DOCK1: variants seen among roughly 807,000 people sequenced by gnomAD.
DOCK1 encodes dedicator of cytokinesis protein 1.
A neutral mutation model predicts 262.7 loss-of-function variants in DOCK1; 138 were observed. That is an observed-to-expected ratio of 0.53 (90% CI 0.46 to 0.61). DOCK1 has a LOEUF of 0.61. DOCK1 is among the 20% of genes least tolerant of loss of function. The probability of loss-of-function intolerance (pLI) is 0.00; values close to 1 mark genes in which losing one functional copy is unlikely to be tolerated. For missense variants in DOCK1, 1,908 were observed against 2,370.7 expected (o/e 0.80, Z 4.05); for synonymous variants, 866 against 867.4 (o/e 1.00, Z 0.03).
intron 12 of DOCK1, 185 bp from the exon 13 acceptor site, chr10:127,018,525 G>T: frequency 2.5e-6 from 2 of 795,062 alleles, no homozygotes; most frequent in Non-Finnish European, 3.9e-6. Flanking sequence ...CCAGCTCGTT[G>T]GATGCATGGA....
intron 23 of DOCK1, among the ~76,000 whole-genome samples, chr10:127,098,657 C>A (rs2048053370): frequency 6.6e-6 from 1 of 152,152 alleles, no homozygotes; most frequent in Non-Finnish European, 1.5e-5. Context: ...AGAGCCCTGA[C>A]CTTGTCTACC....
intron 27 of DOCK1, chr10:127,138,120 T>C: frequency 9.6e-7 from 1 of 1,041,160 alleles, no homozygotes; most frequent in Admixed American, 2.6e-5. Context: ...TGTGTGTTTG[T>C]AATGTAATTT....
intron 27 of DOCK1, among the ~76,000 whole-genome samples, chr10:127,178,873 GCACACAAGA>G (rs929950709): frequency 4.6e-5 from 7 of 152,186 alleles, no homozygotes; most frequent in Non-Finnish European, 1.0e-4. Context: ...TTAAACAGAT[GCACACAAGA>G]CAGCTTGGTG....
intron 21 of DOCK1, among the ~76,000 whole-genome samples, chr10:127,044,693 T>A (rs114645034): frequency 0.012 from 1,869 of 152,268 alleles, 28 homozygotes; most frequent in African/African-American, 0.034. Flanking sequence ...TGCTTGAATT[T>A]CAGAAGATGA....
At chr10:127,388,891 C>T (rs543773619) in intron 38 of DOCK1, among the ~76,000 whole-genome samples, 34 of 148,004 alleles carry the variant, frequency 2.3e-4, no homozygotes, top group African/African-American at 8.6e-4. Context: ...ATCAAGGGCA[C>T]CATCCAATCT....
intron 38 of DOCK1, among the ~76,000 whole-genome samples, chr10:127,392,515 C>A (rs755673122): frequency 2.6e-5 from 4 of 152,098 alleles, no homozygotes; most frequent in African/African-American, 7.2e-5. Context: ...TCCCAGACAC[C>A]CCCTGCCCAC....
At chr10:126,956,273 G>A (rs925903069) in intron 1 of DOCK1, among the ~76,000 whole-genome samples, 35 of 152,338 alleles carry the variant, frequency 2.3e-4, no homozygotes, top group Non-Finnish European at 2.9e-4. Flanking sequence ...GCTCTGCCCC[G>A]TTGGGACTTC....
chr10:127,336,914 C>G (rs1222777059), intron 29 of DOCK1, among the ~76,000 whole-genome samples: 1 of 152,136 alleles, frequency 6.6e-6, no homozygotes, highest in East Asian at 1.9e-4. Flanking sequence ...TAATTCGAAG[C>G]AGCATATTGC....
In DOCK1 at chr10:127,175,517, A is replaced by C; in HGVS notation, c.2847+47753A>C. Reference sequence around the variant, plus strand: ...CCGAGGGCGCCTGGAGCCCGTTGAGATGTGTGGCTCTCCTCCGCTCGTCAT... The same window carrying C: ...CCGAGGGCGCCTGGAGCCCGTTGAGCTGTGTGGCTCTCCTCCGCTCGTCAT... On this transcript the variant is annotated intron_variant, in intron 27 of 51. Transcript: ENST00000623213. The surrounding 1 kb of genome is among the most constrained non-coding windows in gnomAD (Gnocchi z 6.3). 4 of 1,609,420 alleles carry C rather than the reference A, an allele frequency of 2.5e-6. No individual in the cohort carries two copies. The highest frequency in any genetic ancestry group is 3.4e-6 in the Non-Finnish European group (4 of 1,179,980).
At chr10:126,948,988 C>G (rs925340221) in intron 1 of DOCK1, among the ~76,000 whole-genome samples, 7 of 152,140 alleles carry the variant, frequency 4.6e-5, no homozygotes, top group Admixed American at 2.0e-4. Flanking sequence ...GGCCCACCCC[C>G]TGGACCCTGT....
At chr10:127,355,417 C>T (rs141213012) in intron 32 of DOCK1, among the ~76,000 whole-genome samples, 1 of 152,170 alleles carries the variant, frequency 6.6e-6, no homozygotes, top group Non-Finnish European at 1.5e-5. Flanking sequence ...CCTCACTCCT[C>T]GTTGAGATGA....
intron 23 of DOCK1, among the ~76,000 whole-genome samples, chr10:127,083,626 AT>A (rs2047035888): frequency 1.3e-5 from 2 of 152,236 alleles, no homozygotes; most frequent in Non-Finnish European, 2.9e-5. Context: ...CCATTTACTC[AT>A]ATAAAAGGCT....
intron 1 of DOCK1, among the ~76,000 whole-genome samples, chr10:126,969,019 G>A (rs1245009477): frequency 6.6e-6 from 1 of 152,108 alleles, no homozygotes; most frequent in African/African-American, 2.4e-5. Context: ...GCTTGCTTTG[G>A]CTTTCTAAAA....
intron 29 of DOCK1, among the ~76,000 whole-genome samples, chr10:127,273,436 C>T (rs533858725): frequency 6.6e-6 from 1 of 152,376 alleles, no homozygotes; most frequent in South Asian, 2.1e-4. Context: ...CAAGCTGGCT[C>T]CTTGCAGCTG....
chr10:127,058,710 C>A (rs1455449129), intron 22 of DOCK1, among the ~76,000 whole-genome samples: 1 of 150,990 alleles, frequency 6.6e-6, no homozygotes, highest in Non-Finnish European at 1.5e-5. Context: ...ATGGTAACAT[C>A]CATGTTGGAC....
At chr10:126,966,152 T>A (rs2037659969) in intron 1 of DOCK1, among the ~76,000 whole-genome samples, 1 of 152,252 alleles carries the variant, frequency 6.6e-6, no homozygotes, top group Non-Finnish European at 1.5e-5. Context: ...TTTCACTTAA[T>A]GTCCTCCAAT....
intron 49 of DOCK1, among the ~76,000 whole-genome samples, chr10:127,439,907 C>T (rs2069977949): frequency 6.6e-6 from 1 of 152,140 alleles, no homozygotes. Flanking sequence ...CATCCTGGGG[C>T]TGGGCCTGAG....
intron 29 of DOCK1, among the ~76,000 whole-genome samples, chr10:127,296,861 G>A (rs369653892): frequency 4.6e-4 from 70 of 152,308 alleles, no homozygotes; most frequent in South Asian, 4.1e-3. Context: ...CTGGAAATGC[G>A]TCCTAAAGAG....
In DOCK1 at chr10:126,913,382, G is replaced by A. The variant is rs151048024; in HGVS notation, c.46+7819G>A. On this transcript the variant is annotated intron_variant, in intron 1 of 51. Coordinates refer to ENST00000623213, the MANE Select transcript of DOCK1 (RefSeq NM_001290223.2). ...CAGTGATGGCAAAACCCGGGCTTTG[G>A]TGCTGGTGTCACACACTTGGTGACC... Among the ~76,000 whole-genome samples the A allele has an allele frequency of 1.0e-3, 159 of 152,304 alleles. 1 individual carries two copies. The highest frequency in any genetic ancestry group is 3.7e-3 in the African/African-American group (154 of 41,572).
Sources: gnomAD v4.1 joint callset for allele counts (sites outside exome capture counted in the v4.1 genomes callset) on GRCh38, gnomAD v4.1.1 for gene constraint, Gnocchi (gnomAD v3.1) non-coding constraint, MANE v1.5 for transcripts, NCBI Gene and HGNC (gene_info 2026-07-23, HGNC 2026-07-21) for gene names.